Variants in GABRB2 observed in about 807,000 individuals in gnomAD.
GABRB2 encodes gamma-aminobutyric acid receptor subunit beta-2.
In GABRB2, 16 loss-of-function variants were observed where a neutral mutation model predicts 54.7. The ratio of observed to expected loss-of-function variants is 0.29; its 90% CI spans 0.20 to 0.44. The LOEUF is 0.44. Ranked by LOEUF, GABRB2 falls within the 20% of genes least tolerant of loss-of-function variation. GABRB2 has a pLI of 1.00. For synonymous variants in GABRB2, 244 were observed against 233.8 expected (o/e 1.04, Z -0.40); for missense variants, 355 against 644.0 (o/e 0.55, Z 4.86).
chr5:161,295,741 G>A (rs917871741), intron 9 of GABRB2, among the ~76,000 whole-genome samples: 2 of 152,164 alleles, frequency 1.3e-5, no homozygotes. Flanking sequence ...AGAAATAGAA[G>A]CTATGAAATA....
intron 3 of GABRB2, among the ~76,000 whole-genome samples, chr5:161,491,558 CT>C (rs34426368): frequency 6.6e-6 from 1 of 151,476 alleles, no homozygotes; most frequent in African/African-American, 2.4e-5. Context: ...ATTTGGAATC[CT>C]TTTTAAGGCC....
intron 5 of GABRB2, among the ~76,000 whole-genome samples, chr5:161,398,013 T>TGATAGATAGATA (rs67936445): frequency 2.0e-5 from 3 of 150,962 alleles, no homozygotes; most frequent in African/African-American, 7.3e-5. Flanking sequence ...GGTAGATAGA[T>TGATAGATAGATA]GATAGATAGA....
chr5:161,429,645 C>T (rs1033461716), intron 4 of GABRB2, among the ~76,000 whole-genome samples: 1 of 152,072 alleles, frequency 6.6e-6, no homozygotes, highest in Non-Finnish European at 1.5e-5. Context: ...CAATAGTTGA[C>T]TTTAAATTCC....
intron 5 of GABRB2, among the ~76,000 whole-genome samples, chr5:161,391,419 C>T (rs534849513): frequency 6.6e-6 from 1 of 152,266 alleles, no homozygotes; most frequent in African/African-American, 2.4e-5. Flanking sequence ...AGGCTATGCT[C>T]TTTGCAAAGC....
intron 4 of GABRB2, among the ~76,000 whole-genome samples, chr5:161,412,238 G>C (rs1384212024): frequency 6.6e-6 from 1 of 152,186 alleles, no homozygotes; most frequent in Non-Finnish European, 1.5e-5. Context: ...GTGCAGAATG[G>C]AAACATGTGA....
chr5:161,408,347 T>C (rs1756405526), intron 5 of GABRB2, among the ~76,000 whole-genome samples: 1 of 152,090 alleles, frequency 6.6e-6, no homozygotes, highest in Non-Finnish European at 1.5e-5. Context: ...ATGTCAGATT[T>C]GCGATACACA....
intron 5 of GABRB2, among the ~76,000 whole-genome samples, chr5:161,362,314 GA>G (rs1319127379): frequency 1.1e-4 from 16 of 152,120 alleles, no homozygotes; most frequent in Non-Finnish European, 1.8e-4. Context: ...ATTCTGTGAA[GA>G]AAGCCAATGG....
At chr5:161,437,749 C>T (rs190588238) in intron 4 of GABRB2, among the ~76,000 whole-genome samples, 2 of 152,134 alleles carry the variant, frequency 1.3e-5, no homozygotes, top group African/African-American at 4.8e-5. Flanking sequence ...AGAGCAATGA[C>T]AATAGTCTGG....
intron 3 of GABRB2, among the ~76,000 whole-genome samples, chr5:161,538,840 T>G (rs1384680126): frequency 6.6e-6 from 1 of 151,170 alleles, no homozygotes. Flanking sequence ...AAAAAAAAAG[T>G]AAACACCTAG....
In GABRB2 at chr5:161,347,570, C is replaced by T. The variant is rs561591547; in HGVS notation, c.542-10801G>A. ...GTCTAAACTTATGCTGCAAACAGGC[C>T]TTGGATAGCCTGCAGTATGATGAGG... On this transcript the variant is annotated intron_variant, in intron 5 of 9. Coordinates refer to ENST00000393959, the MANE Select transcript of GABRB2 (RefSeq NM_001371727.1). Among the ~76,000 whole-genome samples the T allele has an allele frequency of 9.9e-5, 15 of 152,116 alleles. No homozygotes were observed. The East Asian group carries it at 2.5e-3, about 26-fold the overall frequency.
intron 9 of GABRB2, among the ~76,000 whole-genome samples, chr5:161,301,151 T>C (rs1757526493): frequency 6.6e-6 from 1 of 152,192 alleles, no homozygotes; most frequent in Non-Finnish European, 1.5e-5. Flanking sequence ...CCAAGGTTTC[T>C]GTTCCCAATT....
intron 4 of GABRB2, among the ~76,000 whole-genome samples, chr5:161,427,210 A>C (rs1043896303): frequency 1.3e-5 from 2 of 152,132 alleles, no homozygotes; most frequent in African/African-American, 4.8e-5. Flanking sequence ...GAAGAAGACT[A>C]ACAGATGTAA....
intron 9 of GABRB2, among the ~76,000 whole-genome samples, chr5:161,305,935 C>A (rs1185722736): frequency 1.3e-5 from 2 of 152,210 alleles, no homozygotes; most frequent in African/African-American, 2.4e-5. Flanking sequence ...AAAGGGGTGG[C>A]TGACAGCCAT....
chr5:161,544,654 C>G (rs560569938), intron 3 of GABRB2, among the ~76,000 whole-genome samples: 1 of 152,062 alleles, frequency 6.6e-6, no homozygotes, highest in African/African-American at 2.4e-5. Context: ...CTGAGCCTAC[C>G]TTTTAGAAAC....
rs530885906 is a variant in GABRB2, at chr5:161,528,429, C to T, written c.237+16798G>A. Among the ~76,000 whole-genome samples, 3 of 151,818 alleles carry T rather than the reference C, an allele frequency of 2.0e-5. No homozygotes were observed. The South Asian group carries it at 6.2e-4, about 31-fold the overall frequency. On this transcript the variant is annotated intron_variant, in intron 3 of 9. Coordinates refer to ENST00000393959, the MANE Select transcript of GABRB2 (RefSeq NM_001371727.1). ...ATTATGCAACAAGGAAATTTACCTGCTTTACAAAGTAAACATAATGGCTTT... is the reference window on the plus strand; with the variant it reads ...ATTATGCAACAAGGAAATTTACCTGTTTTACAAAGTAAACATAATGGCTTT...
At chr5:161,522,230 T>G (rs1297539569) in intron 3 of GABRB2, among the ~76,000 whole-genome samples, 1 of 151,808 alleles carries the variant, frequency 6.6e-6, no homozygotes, top group Non-Finnish European at 1.5e-5. Context: ...CACATTTGAT[T>G]CAGAAATAAA....
At chr5:161,351,211 G>T (rs1754461667) in intron 5 of GABRB2, among the ~76,000 whole-genome samples, 1 of 151,936 alleles carries the variant, frequency 6.6e-6, no homozygotes, top group Admixed American at 6.6e-5. Flanking sequence ...AAAGTTCATA[G>T]GAAATTACAA....
chr5:161,443,148 T>C (rs1641502844), intron 4 of GABRB2, among the ~76,000 whole-genome samples: 2 of 152,156 alleles, frequency 1.3e-5, no homozygotes, highest in South Asian at 4.1e-4. Context: ...CAAATCTTTG[T>C]TGTCAGCAAC....
At chr5:161,414,363 C>CT (rs1188709501) in intron 4 of GABRB2, among the ~76,000 whole-genome samples, 1 of 152,114 alleles carries the variant, frequency 6.6e-6, no homozygotes, top group Non-Finnish European at 1.5e-5. Context: ...TGTTATGCAA[C>CT]TTTTTTTATA....
Sources: gnomAD v4.1 joint callset for allele counts (sites outside exome capture counted in the v4.1 genomes callset) on GRCh38, gnomAD v4.1.1 for gene constraint, MANE v1.5 for transcripts, NCBI Gene and HGNC (gene_info 2026-07-23, HGNC 2026-07-21) for gene names.